Variants in FOXP1 observed in about 807,000 individuals in gnomAD.
FOXP1 encodes forkhead box P1, also known as forkhead box protein P1.
Under a neutral mutation model 98.2 loss-of-function variants are expected in FOXP1, and 15 were observed. That is an observed-to-expected ratio of 0.15 (90% CI 0.10 to 0.24). FOXP1 has a LOEUF of 0.24. Among genes scored for constraint, FOXP1 ranks in the 10% least tolerant of loss-of-function variants. The pLI, the probability that FOXP1 is intolerant of heterozygous loss-of-function variation, is 1.00. For synonymous variants in FOXP1, 371 were observed against 314.5 expected, an observed-to-expected ratio of 1.18 and a Z score of -1.90; for missense variants, 633 against 848.5, an observed-to-expected ratio of 0.75 and a Z score of 3.15.
In FOXP1 at chr3:71,154,096, CTT is replaced by C. The variant is rs142389444; in HGVS notation, c.181-41461_181-41460del. On this transcript the variant is annotated intron_variant, in intron 6 of 20. Coordinates refer to ENST00000649528, the MANE Select transcript of FOXP1 (RefSeq NM_001349338.3). The stretch of plus-strand genomic sequence containing the variant: ...TTGCATTCTTCTTCTTCTTCTTCTT[CTT>C]TTTTTTTGCAATTGACTAATAATAA... 1.3e-4 allele frequency among the ~76,000 whole-genome samples: 19 copies of C among 150,128 alleles called. No homozygotes were observed. In the South Asian group the frequency reaches 4.0e-3, roughly 32 times the overall value.
At chr3:71,125,107 T>C (rs2059066919) in intron 6 of FOXP1, among the ~76,000 whole-genome samples, 1 of 152,224 alleles carries the variant, frequency 6.6e-6, no homozygotes, top group African/African-American at 2.4e-5. Context: ...CACCCATGCC[T>C]TGCCAATTCT....
At chr3:71,486,991 G>C (rs1276678188) in intron 3 of FOXP1, among the ~76,000 whole-genome samples, 1 of 152,104 alleles carries the variant, frequency 6.6e-6, no homozygotes, top group Non-Finnish European at 1.5e-5. Context: ...TCAGCACCCG[G>C]CATGTATGTG....
At chr3:71,479,197 C>T (rs1458424636) in intron 3 of FOXP1, among the ~76,000 whole-genome samples, 1 of 151,942 alleles carries the variant, frequency 6.6e-6, no homozygotes, top group East Asian at 1.9e-4. Context: ...TGGGGAGTTA[C>T]CACCTTTACT....
At chr3:70,971,085 T>A (rs1575743714) in intron 18 of FOXP1, 1 of 420,810 alleles carries the variant, frequency 2.4e-6, no homozygotes, top group Non-Finnish European at 4.4e-6. Flanking sequence ...CTCTGCAGAT[T>A]TTTAGGAGTT....
chr3:71,069,793 C>T (rs1375085289), intron 7 of FOXP1, among the ~76,000 whole-genome samples: 16 of 152,176 alleles, frequency 1.1e-4, no homozygotes, highest in Non-Finnish European at 2.9e-5. Context: ...AATGAAATTA[C>T]ATTTTAATTT....
At chr3:71,335,231 G>T (rs1205595840) in intron 4 of FOXP1, 1 of 152,118 alleles carries the variant, frequency 6.6e-6, no homozygotes, top group Non-Finnish European at 1.5e-5. Flanking sequence ...ATTACAGTGA[G>T]CTATAATCGT....
At chr3:71,177,995 C>G (rs2062045346) in intron 6 of FOXP1, among the ~76,000 whole-genome samples, 1 of 123,054 alleles carries the variant, frequency 8.1e-6, no homozygotes. Context: ...GCCACCACAC[C>G]TGGCTATTTT....
chr3:71,504,072 G>A (rs541479419), intron 2 of FOXP1, among the ~76,000 whole-genome samples: 2 of 152,208 alleles, frequency 1.3e-5, no homozygotes, highest in South Asian at 2.1e-4. Context: ...GAGATGTTTC[G>A]CAAGTCAGTG....
intron 1 of FOXP1, chr3:71,582,842 C>A (rs2048294918): frequency 1.0e-5 from 10 of 972,604 alleles, no homozygotes; most frequent in Non-Finnish European, 1.2e-5. Flanking sequence ...AGCTTCCTCG[C>A]CGCTGACTCT....
At chr3:71,018,840 G>T (rs2044942104) in intron 11 of FOXP1, among the ~76,000 whole-genome samples, 1 of 152,146 alleles carries the variant, frequency 6.6e-6, no homozygotes, top group Admixed American at 6.5e-5. Flanking sequence ...GCACATTGTA[G>T]GAACTGTTGC....
At chr3:71,321,768 T>C (rs1576961574) in intron 4 of FOXP1, among the ~76,000 whole-genome samples, 1 of 151,984 alleles carries the variant, frequency 6.6e-6, no homozygotes, top group African/African-American at 2.4e-5. Flanking sequence ...ACTACAAGTG[T>C]GCACCACCAC....
intron 6 of FOXP1, among the ~76,000 whole-genome samples, chr3:71,115,048 T>G (rs563862197): frequency 6.6e-6 from 1 of 152,132 alleles, no homozygotes; most frequent in Non-Finnish European, 1.5e-5. Flanking sequence ...GAAAGGGAAC[T>G]GTTATATATT....
intron 4 of FOXP1, chr3:71,329,888 C>T (rs2076194156): frequency 6.6e-6 from 1 of 152,092 alleles, no homozygotes; most frequent in Non-Finnish European, 1.5e-5. Flanking sequence ...TGCGAGTGTT[C>T]ATTTGACAAG....
intron 7 of FOXP1, among the ~76,000 whole-genome samples, chr3:71,085,735 C>CTTTTTTTTT (rs56318177): frequency 0.011 from 408 of 37,030 alleles, 140 homozygotes; most frequent in Non-Finnish European, 0.014. Flanking sequence ...CATTTATGGC[C>CTTTTTTTTT]TTTTTTTTTT....
intron 12 of FOXP1, 120 bp downstream of exon 12, chr3:71,015,429 A>G (rs1475874273): frequency 1.5e-6 from 1 of 676,544 alleles, no homozygotes; most frequent in Non-Finnish European, 2.7e-6. Context: ...TGTGATTTAG[A>G]GTCCACTCTC....
intron 7 of FOXP1, among the ~76,000 whole-genome samples, chr3:71,093,272 T>TG (rs1553733897): frequency 6.1e-5 from 1 of 16,334 alleles, no homozygotes; most frequent in Non-Finnish European, 3.6e-4. Context: ...AAAATAAAAA[T>TG]GAAAAAAAAA....
chr3:71,289,312 TAC>T (rs1455173547), intron 5 of FOXP1, among the ~76,000 whole-genome samples: 1 of 152,096 alleles, frequency 6.6e-6, no homozygotes, highest in Admixed American at 6.5e-5. Context: ...GTGCTGGTAT[TAC>T]AGTCATGAGC....
chr3:71,456,715 G>C (rs933845943), intron 3 of FOXP1, among the ~76,000 whole-genome samples: 2 of 152,050 alleles, frequency 1.3e-5, no homozygotes, highest in African/African-American at 4.8e-5. Context: ...AATCTAGTAA[G>C]TGCCAAATAT....
At chr3:71,297,033 T>A (rs2073368692) in intron 5 of FOXP1, among the ~76,000 whole-genome samples, 1 of 152,172 alleles carries the variant, frequency 6.6e-6, no homozygotes, top group Non-Finnish European at 1.5e-5. Flanking sequence ...CTTTTCTTTA[T>A]AAATTACCCA....
Sources: gnomAD v4.1 joint callset for allele counts (sites outside exome capture counted in the v4.1 genomes callset) on GRCh38, gnomAD v4.1.1 for gene constraint, MANE v1.5 for transcripts, NCBI Gene and HGNC (gene_info 2026-07-23, HGNC 2026-07-21) for gene names.